JAK1: variants seen among roughly 807,000 people sequenced by gnomAD.
JAK1 encodes Janus kinase 1.
A neutral mutation model predicts 136.6 loss-of-function variants in JAK1; 16 were observed. The ratio of observed to expected loss-of-function variants is 0.12; its 90% CI spans 0.08 to 0.18. The LOEUF (loss-of-function observed/expected upper bound fraction) is 0.18. Ranked by LOEUF, JAK1 falls within the 10% of genes least tolerant of loss-of-function variation. The pLI is 1.00. For missense variants in JAK1, 859 were observed against 1,450.1 expected (o/e 0.59, Z 6.62); for synonymous variants, 492 against 519.5 (o/e 0.95, Z 0.72).
intron 1 of JAK1, among the ~76,000 whole-genome samples, chr1:64,912,010 C>G (rs1042880903): frequency 3.3e-5 from 5 of 152,148 alleles, no homozygotes; most frequent in Admixed American, 1.3e-4. Context: ...CATCATCTGC[C>G]TTACATTAAA....
At chr1:65,038,501 T>C (rs1401965189) in intron 2 of JAK1, among the ~76,000 whole-genome samples, 1 of 150,932 alleles carries the variant, frequency 6.6e-6, no homozygotes, top group Non-Finnish European at 1.5e-5. Context: ...GCCCAGCCAT[T>C]CCATTTTGAA....
intron 1 of JAK1, among the ~76,000 whole-genome samples, chr1:64,891,152 AC>A (rs1467536859): frequency 6.6e-6 from 1 of 152,100 alleles, no homozygotes; most frequent in Admixed American, 6.5e-5. Context: ...GAAAAAAAAA[AC>A]AATATCTACT....
chr1:65,066,652 G>C (rs938787380), intron 1 of JAK1: 1 of 152,490 alleles, frequency 6.6e-6, no homozygotes, highest in Non-Finnish European at 1.5e-5. Context: ...TCCCGGCCTC[G>C]TGGTAGCGCC....
At chr1:64,976,676 G>A (rs572796132) in intron 2 of JAK1, among the ~76,000 whole-genome samples, 108 of 152,330 alleles carry the variant, frequency 7.1e-4, no homozygotes, top group African/African-American at 2.4e-3. Flanking sequence ...TTAGTGAATA[G>A]CGTGTTCTTT....
chr1:64,837,846 A>G (rs1446041597), intron 22 of JAK1, 86 bp downstream of exon 22: 1 of 1,129,588 alleles, frequency 8.9e-7, no homozygotes, highest in Non-Finnish European at 1.3e-6. Context: ...GAGGAATGAG[A>G]CACATTAATA....
At chr1:64,958,365 T>C (rs1043823218) in intron 1 of JAK1, among the ~76,000 whole-genome samples, 1 of 152,244 alleles carries the variant, frequency 6.6e-6, no homozygotes, top group Non-Finnish European at 1.5e-5. Flanking sequence ...CATCAAATGA[T>C]TTTCCCAAAA....
intron 1 of JAK1, among the ~76,000 whole-genome samples, chr1:64,894,583 AC>A (rs921704791): frequency 3.3e-5 from 5 of 151,952 alleles, no homozygotes; most frequent in Non-Finnish European, 1.5e-5. Flanking sequence ...ATATGGTGAA[AC>A]CCCGTCTCTA....
At chr1:64,934,893 T>G (rs1021020414) in intron 1 of JAK1, among the ~76,000 whole-genome samples, 2 of 152,228 alleles carry the variant, frequency 1.3e-5, no homozygotes, top group African/African-American at 2.4e-5. Flanking sequence ...TAAGTGCTCA[T>G]CAGATGAATG....
intron 9 of JAK1, among the ~76,000 whole-genome samples, chr1:64,858,630 GCCTACAATGTGTCAGAC>G (rs1656097101): frequency 6.6e-6 from 1 of 152,206 alleles, no homozygotes; most frequent in South Asian, 2.1e-4. Flanking sequence ...CTCACTGAGG[GCCTACAATGTGTCAGAC>G]CCTGTGTGTG....
chr1:65,067,286 C>T (rs1648099315), intron 1 of JAK1, among the ~76,000 whole-genome samples: 1 of 150,284 alleles, frequency 6.7e-6, no homozygotes, highest in South Asian at 2.1e-4. Context: ...GCCTGGCCCG[C>T]CCCCAGACCC....
chr1:65,016,833 G>A (rs1397020458), intron 2 of JAK1, among the ~76,000 whole-genome samples: 2 of 151,906 alleles, frequency 1.3e-5, no homozygotes, highest in Non-Finnish European at 2.9e-5. Flanking sequence ...GAGAGGCAGA[G>A]GTTGCAGTGA....
At chr1:65,028,745 C>T (rs555864546) in intron 2 of JAK1, among the ~76,000 whole-genome samples, 32 of 152,216 alleles carry the variant, frequency 2.1e-4, no homozygotes, top group Admixed American at 5.2e-4. Context: ...TTTTTACATA[C>T]GTTATCTGAT....
intron 1 of JAK1, among the ~76,000 whole-genome samples, chr1:64,910,752 G>A (rs946772307): frequency 6.7e-6 from 1 of 150,210 alleles, no homozygotes; most frequent in African/African-American, 2.5e-5. Context: ...ACTGACGCAG[G>A]AGAATAGTTT....
At chr1:64,978,692 C>T (rs1030221578) in intron 2 of JAK1, among the ~76,000 whole-genome samples, 1 of 152,018 alleles carries the variant, frequency 6.6e-6, no homozygotes, top group Non-Finnish European at 1.5e-5. Context: ...ACTTACTAGC[C>T]GTAATAACAA....
intron 1 of JAK1, among the ~76,000 whole-genome samples, chr1:64,901,977 GTA>G: frequency 6.6e-6 from 1 of 152,242 alleles, no homozygotes; most frequent in South Asian, 2.1e-4. Context: ...ATACTCTATT[GTA>G]TAGGGCATTT....
rs549175230 is a variant in JAK1 at position 64,932,240 on chromosome 1, C to T, written c.-78+34093G>A. ...CCAGCCTGGCCAACATGGCGAAACC[C>T]TGTCTCTACTAAAATTACAAAAATT... On this transcript the variant is annotated intron_variant, in intron 1 of 24. Transcript: ENST00000342505. Among the ~76,000 whole-genome samples, 15 of 152,192 alleles carry T rather than the reference C, an allele frequency of 9.9e-5. 1 individual carries two copies. The highest frequency in any genetic ancestry group is 3.4e-4 in the African/African-American group (14 of 41,524).
chr1:64,947,622 CTTT>C (rs34888082), intron 1 of JAK1, among the ~76,000 whole-genome samples: 1 of 147,032 alleles, frequency 6.8e-6, no homozygotes, highest in Non-Finnish European at 1.5e-5. Context: ...CCAATAAATC[CTTT>C]TTTTTTTTTA....
At chr1:65,053,198 T>C (rs1416499160) in intron 1 of JAK1, among the ~76,000 whole-genome samples, 2 of 150,938 alleles carry the variant, frequency 1.3e-5, no homozygotes, top group African/African-American at 4.9e-5. Flanking sequence ...AATACAAAAA[T>C]TAGCCAGGCA....
intron 2 of JAK1, among the ~76,000 whole-genome samples, chr1:65,001,460 CGCCACTGCCAACGCTCGGAGGAA>C (rs1331865306): frequency 6.6e-6 from 1 of 152,184 alleles, no homozygotes; most frequent in Non-Finnish European, 1.5e-5. Flanking sequence ...TCCCCACCCA[CGCCACTGCCAACGCTCGGAGGAA>C]GTCACGTTCA....
Sources: allele counts gnomAD v4.1 joint callset (sites outside exome capture counted in the v4.1 genomes callset), GRCh38; gene constraint gnomAD v4.1.1; transcripts MANE v1.5; gene names NCBI Gene and HGNC (gene_info 2026-07-23, HGNC 2026-07-21).